KCND2: variants seen among roughly 807,000 people sequenced by gnomAD.
KCND2 encodes the protein A-type voltage-gated potassium channel KCND2.
Under a neutral mutation model 54.4 loss-of-function variants are expected in KCND2, and 16 were observed. That is an observed-to-expected ratio of 0.29 (90% CI 0.20 to 0.45). The LOEUF (loss-of-function observed/expected upper bound fraction) is 0.45. KCND2 is among the 20% of genes least tolerant of loss of function. KCND2 has a pLI of 1.00. For missense variants in KCND2, 486 were observed against 824.2 expected (o/e 0.59, Z 5.02); for synonymous variants, 317 against 310.7 (o/e 1.02, Z -0.21).
At chr7:120,554,832 A>G (rs1327140531) in intron 1 of KCND2, among the ~76,000 whole-genome samples, 4 of 152,220 alleles carry the variant, frequency 2.6e-5, no homozygotes, top group Admixed American at 2.0e-4. Flanking sequence ...ATAGAATTAT[A>G]CCGTTAGCTG....
intron 1 of KCND2, among the ~76,000 whole-genome samples, chr7:120,646,440 A>T (rs566316954): frequency 6.6e-6 from 1 of 152,102 alleles, no homozygotes; most frequent in Admixed American, 6.6e-5. Flanking sequence ...ATTGATTATC[A>T]TTTATTTAAA....
chr7:120,515,847 T>G (rs1274556908), intron 1 of KCND2, among the ~76,000 whole-genome samples: 1 of 152,066 alleles, frequency 6.6e-6, no homozygotes, highest in Non-Finnish European at 1.5e-5. Context: ...AAGTCCTCTC[T>G]TCATGAGATA....
At chr7:120,333,628 C>T (rs1800100281) in intron 1 of KCND2, among the ~76,000 whole-genome samples, 1 of 151,966 alleles carries the variant, frequency 6.6e-6, no homozygotes, top group Admixed American at 6.6e-5. Context: ...ATAATAATTT[C>T]CAGAATACAG....
Position 120,404,711 on chromosome 7 carries a change from A to G in KCND2, c.1115+128964A>G, listed in dbSNP as rs1395786857. On this transcript the variant is annotated intron_variant, in intron 1 of 5. Transcript: ENST00000331113. ...TTAACCTTTCTTAGATTCATTTTTGATATGTGTGATAGAGGATGAAAATTC... is the reference window on the plus strand; with the variant it reads ...TTAACCTTTCTTAGATTCATTTTTGGTATGTGTGATAGAGGATGAAAATTC... 2.0e-5 allele frequency among the ~76,000 whole-genome samples: 3 copies of G among 152,140 alleles called. No individual in the cohort carries two copies. In the East Asian group the frequency reaches 5.8e-4, roughly 29 times the overall value.
chr7:120,727,909 GT>G (rs1554392166), intron 1 of KCND2, among the ~76,000 whole-genome samples: 2 of 152,010 alleles, frequency 1.3e-5, no homozygotes, highest in Non-Finnish European at 2.9e-5. Context: ...GCTGAGGACG[GT>G]GGATCACAAA....
intron 1 of KCND2, among the ~76,000 whole-genome samples, chr7:120,582,995 A>G (rs181554384): frequency 6.6e-6 from 1 of 151,510 alleles, no homozygotes; most frequent in East Asian, 1.9e-4. Context: ...TTATGTGCAC[A>G]TATCTTGTTT....
intron 1 of KCND2, among the ~76,000 whole-genome samples, chr7:120,572,824 A>G (rs1442601052): frequency 6.6e-6 from 1 of 152,218 alleles, no homozygotes; most frequent in African/African-American, 2.4e-5. Flanking sequence ...TGCCCAGCTG[A>G]GTGTGAACAT....
chr7:120,380,197 A>G (rs1800896512), intron 1 of KCND2, among the ~76,000 whole-genome samples: 1 of 152,102 alleles, frequency 6.6e-6, no homozygotes, highest in Admixed American at 6.6e-5. Flanking sequence ...TATTTTATGT[A>G]GGAATATTAT....
intron 1 of KCND2, among the ~76,000 whole-genome samples, chr7:120,376,885 C>A (rs1314677070): frequency 6.6e-6 from 1 of 151,892 alleles, no homozygotes; most frequent in Admixed American, 6.6e-5. Context: ...CTCAGCTGTT[C>A]TGATATTGTA....
At chr7:120,278,728 A>G (rs1799217962) in intron 1 of KCND2, among the ~76,000 whole-genome samples, 1 of 151,762 alleles carries the variant, frequency 6.6e-6, no homozygotes, top group African/African-American at 2.4e-5. Flanking sequence ...CTATAACTTG[A>G]CTATGCTTAC....
intron 1 of KCND2, among the ~76,000 whole-genome samples, chr7:120,367,920 C>G (rs544296989): frequency 3.3e-5 from 5 of 152,072 alleles, no homozygotes; most frequent in Non-Finnish European, 5.9e-5. Context: ...ATCTGCTTTA[C>G]AGGTTTAAGT....
chr7:120,361,822 T>C (rs1800596496), intron 1 of KCND2, among the ~76,000 whole-genome samples: 1 of 152,080 alleles, frequency 6.6e-6, no homozygotes, highest in Non-Finnish European at 1.5e-5. Context: ...TCTAATTCTA[T>C]TTAAAGTTTA....
chr7:120,600,620 A>AG (rs1245401330), intron 1 of KCND2, among the ~76,000 whole-genome samples: 2 of 152,088 alleles, frequency 1.3e-5, no homozygotes, highest in Non-Finnish European at 2.9e-5. Flanking sequence ...TCAAAAGAAA[A>AG]GGGACAAACA....
At chr7:120,315,213 G>A (rs1025299315) in intron 1 of KCND2, among the ~76,000 whole-genome samples, 22 of 152,018 alleles carry the variant, frequency 1.4e-4, no homozygotes, top group Admixed American at 2.6e-4. Context: ...TGTCTTCCAC[G>A]TTCCCCACCA....
At chr7:120,350,641 C>T (rs1043458946) in intron 1 of KCND2, among the ~76,000 whole-genome samples, 13 of 152,074 alleles carry the variant, frequency 8.5e-5, no homozygotes, top group Non-Finnish European at 1.8e-4. Flanking sequence ...TTAAAGATAA[C>T]CCTGTGAATT....
intron 1 of KCND2, among the ~76,000 whole-genome samples, chr7:120,362,949 G>A (rs1800613628): frequency 6.6e-6 from 1 of 151,998 alleles, no homozygotes; most frequent in South Asian, 2.1e-4. Context: ...GAGTATAGCT[G>A]GAGAAAGGGG....
chr7:120,688,966 A>T (rs1195210263), intron 1 of KCND2, among the ~76,000 whole-genome samples: 1 of 152,130 alleles, frequency 6.6e-6, no homozygotes, highest in East Asian at 1.9e-4. Flanking sequence ...TGCAGATGAG[A>T]TAACTCTGAT....
At chr7:120,641,721 T>C (rs542191629) in intron 1 of KCND2, among the ~76,000 whole-genome samples, 1 of 149,474 alleles carries the variant, frequency 6.7e-6, no homozygotes, top group South Asian at 2.1e-4. Flanking sequence ...CCTTTTAAAG[T>C]AAGAAACTTA....
intron 1 of KCND2, among the ~76,000 whole-genome samples, chr7:120,439,441 TATGTA>T (rs1563046598): frequency 6.6e-6 from 1 of 152,124 alleles, no homozygotes; most frequent in Non-Finnish European, 1.5e-5. Context: ...ATATATATGG[TATGTA>T]ATGATCAAAT....
Sources: allele counts gnomAD v4.1 joint callset (sites outside exome capture counted in the v4.1 genomes callset), GRCh38; gene constraint gnomAD v4.1.1; transcripts MANE v1.5; gene names NCBI Gene and HGNC (gene_info 2026-07-23, HGNC 2026-07-21).